The following SETD5 variants were observed in gnomAD, a reference collection of about 807,000 sequenced individuals.
The protein encoded by SETD5 is SET domain containing 5.
In SETD5, 44 loss-of-function variants were observed where a neutral mutation model predicts 153.3. That is an observed-to-expected ratio of 0.29 (90% confidence interval 0.23 to 0.37). The LOEUF (loss-of-function observed/expected upper bound fraction) is 0.37. SETD5 is among the 10% of genes least tolerant of loss of function. The pLI, the probability that SETD5 is intolerant of heterozygous loss-of-function variation, is 1.00. For synonymous variants in SETD5, 716 were observed against 645.2 expected, an observed-to-expected ratio of 1.11 and a Z score of -1.66; for missense variants, 1,544 against 1,768.0, an observed-to-expected ratio of 0.87 and a Z score of 2.27.
intron 19 of SETD5, 122 bp from the exon 20 acceptor site, chr3:9,473,114 T>A: frequency 1.6e-6 from 2 of 1,215,386 alleles, no homozygotes; most frequent in Admixed American, 2.8e-5. Flanking sequence ...TCTGCTTTGT[T>A]TGCGTGGCTT....
In SETD5 at chr3:9,473,375, C is replaced by T. The variant is rs754763230; in HGVS notation, c.3335C>T (p.Ala1112Val). The T allele has an allele frequency of 1.2e-6, 2 of 1,613,944 alleles. No individual in the cohort carries two copies. Among genetic ancestry groups the T allele is most frequent in the South Asian group, 2.2e-5 (2 of 91,072 alleles). Residue 1112 changes from alanine (A) to valine (V), a missense_variant, in exon 20 of 23, where the codon GCC (alanine) becomes GTC (valine). Coordinates refer to ENST00000402198, the MANE Select transcript of SETD5 (RefSeq NM_001080517.3). The stretch of plus-strand genomic sequence containing the variant: ...AGTAACTCCGTTTCCGACACTGGTG[C>T]CCATGGTGTGCAGGGATCCTCAGCC... ...GSSNSVSDTG[A>V]HGVQGSSART...
rs2040334201 is a variant in SETD5 at position 9,434,491 on chromosome 3, A to T, written c.329+6A>T. 1.2e-6 allele frequency: 2 copies of T among 1,613,864 alleles called. No homozygotes were observed. The highest frequency in any genetic ancestry group is 1.7e-6 in the Non-Finnish European group (2 of 1,179,836). On this transcript the variant is annotated splice_donor_region_variant and intron_variant, in intron 5 of 22. Coordinates refer to ENST00000402198, the MANE Select transcript of SETD5 (RefSeq NM_001080517.3). This position sits in a 1 kb window ranked among gnomAD's most constrained non-coding sequence, Gnocchi z 5.6. ...CTCAACTGTGACAAGTGCAGGTAAG[A>T]TCCTGTTCCATCTAAATTTAAGTCT... is the stretch of plus-strand genomic sequence containing the variant.
intron 1 of SETD5, among the ~76,000 whole-genome samples, chr3:9,415,072 A>G (rs2037213242): frequency 6.6e-6 from 1 of 151,560 alleles, no homozygotes; most frequent in Admixed American, 6.6e-5. Flanking sequence ...AAACTAACAG[A>G]TGATTAAAAG....
intron 1 of SETD5, among the ~76,000 whole-genome samples, chr3:9,417,946 T>TTG (rs1553609763): frequency 5.4e-5 from 8 of 148,886 alleles, no homozygotes; most frequent in Non-Finnish European, 7.5e-5. Flanking sequence ...AGTTTTGTTT[T>TTG]TTTTTTTTTT....
intron 1 of SETD5, among the ~76,000 whole-genome samples, chr3:9,407,956 C>G (rs567967077): frequency 6.6e-6 from 1 of 151,660 alleles, no homozygotes; most frequent in African/African-American, 2.4e-5. Flanking sequence ...GCTGAGATTG[C>G]GCCATTGTAT....
At chr3:9,468,582 A>AT (rs1330374299) in intron 18 of SETD5, 1 of 1,304,172 alleles carries the variant, frequency 7.7e-7, no homozygotes, top group South Asian at 1.2e-5. Flanking sequence ...CGAGGTAGTT[A>AT]TCACACCATC....
chr3:9,473,545 T>A lies in SETD5; in HGVS notation c.3497+8T>A. 1 of 1,602,972 alleles carries A rather than the reference T, an allele frequency of 6.2e-7. No individual in the cohort carries two copies. The highest frequency in any genetic ancestry group is 8.5e-7 in the Non-Finnish European group (1 of 1,173,686). On this transcript the variant is annotated splice_region_variant and intron_variant, in intron 20 of 22. Coordinates refer to ENST00000402198, the MANE Select transcript of SETD5 (RefSeq NM_001080517.3). ...GAATATCAGCAGTAGGTGGTAAGTT[T>A]ATATTTGATGTTTTATAGTTAAATT... is the stretch of plus-strand genomic sequence containing the variant.
chr3:9,433,550 C>A, intron 3 of SETD5: 1 of 1,294,758 alleles, frequency 7.7e-7, no homozygotes. Flanking sequence ...AGGGGAAACT[C>A]CCCGCTCAGC....
At position 9,434,158 on chromosome 3, in the gene SETD5, C is replaced by G. The variant is rs2125094172; in HGVS notation, c.178-176C>G. 1.9e-6 allele frequency: 3 copies of G among 1,548,414 alleles called. No individual in the cohort carries two copies. Among genetic ancestry groups the G allele is most frequent in the Middle Eastern group, 1.7e-4 (1 of 5,988 alleles). On this transcript the variant is annotated intron_variant, in intron 4 of 22. Transcript: ENST00000402198. This position sits in a 1 kb window ranked among gnomAD's most constrained non-coding sequence, Gnocchi z 5.6. Reference sequence around the variant, plus strand: ...CTTGGCATTTTGTTTTATCACTTTCCTGGTTGAAGCCAAAAAACAAAGGGT... The same window carrying G: ...CTTGGCATTTTGTTTTATCACTTTCGTGGTTGAAGCCAAAAAACAAAGGGT...
chr3:9,420,171 T>G (rs1246537162), intron 1 of SETD5, among the ~76,000 whole-genome samples: 1 of 152,190 alleles, frequency 6.6e-6, no homozygotes, highest in Non-Finnish European at 1.5e-5. Context: ...CTTTTTATCA[T>G]TGTTAAATGG....
At chr3:9,442,294 A>G in intron 10 of SETD5, 49 bp downstream of exon 10, 1 of 1,280,876 alleles carries the variant, frequency 7.8e-7, no homozygotes, top group Admixed American at 1.9e-5. Context: ...TCAAATGACA[A>G]GCTTACTGAA....
At chr3:9,455,033 TTTAATTAGA>T (rs2043059134) in intron 17 of SETD5, among the ~76,000 whole-genome samples, 1 of 152,156 alleles carries the variant, frequency 6.6e-6, no homozygotes, top group Non-Finnish European at 1.5e-5. Context: ...TGAACTTGAA[TTTAATTAGA>T]TAAATTTTTA....
intron 19 of SETD5, among the ~76,000 whole-genome samples, chr3:9,472,946 G>GT (rs1353758593): frequency 2.0e-5 from 3 of 152,130 alleles, no homozygotes; most frequent in Non-Finnish European, 4.4e-5. Context: ...AAGTTTTTCT[G>GT]AAGGCAGAAA....
At chr3:9,453,503 T>C (rs908046127) in intron 16 of SETD5, among the ~76,000 whole-genome samples, 4 of 152,236 alleles carry the variant, frequency 2.6e-5, no homozygotes, top group Non-Finnish European at 5.9e-5. Flanking sequence ...TTATTGGTTT[T>C]TGTCTTTTGA....
rs776092602 is a variant in SETD5, at chr3:9,417,508, C to G, written c.-176-6959C>G. On this transcript the variant is annotated intron_variant, in intron 1 of 22. Transcript: ENST00000402198. ...CTTTTTTTTTTTTTTCCCCCCGAGACGGAGTCTCGCTCTATCGCCCAGGCT... is the reference window on the plus strand; with the variant it reads ...CTTTTTTTTTTTTTTCCCCCCGAGAGGGAGTCTCGCTCTATCGCCCAGGCT... Among the ~76,000 whole-genome samples the G allele has an allele frequency of 2.0e-5, 3 of 150,390 alleles. No individual in the cohort carries two copies. The East Asian group carries it at 5.9e-4, about 29-fold the overall frequency.
At chr3:9,433,610 C>T (rs775591730) in intron 3 of SETD5, 7 of 1,143,860 alleles carry the variant, frequency 6.1e-6, no homozygotes, top group African/African-American at 1.6e-5. Context: ...CAGGTGCCTG[C>T]CTTCAGACAT....
chr3:9,445,738 A>C lies in SETD5; in HGVS notation c.1522A>C (p.Arg508=), dbSNP rs775874768. The part of the protein sequence containing the change: ...DDQENLAHSR[R]TREDRKVEAI... ...CCAGGAGAACCTAGCTCATAGCAGG[A>C]GGGTGAGTACTGTCTGACATTACTT... Residue 508 remains arginine, a splice_region_variant and synonymous_variant, in exon 13 of 23, where the codon AGG becomes CGG. Coordinates refer to ENST00000402198, the MANE Select transcript of SETD5 (RefSeq NM_001080517.3). 7 of 1,610,956 alleles carry C rather than the reference A, an allele frequency of 4.3e-6. No homozygotes were observed. The highest frequency in any genetic ancestry group is 5.9e-6 in the Non-Finnish European group (7 of 1,178,346).
Position 9,476,024 on chromosome 3 carries a change from G to A in SETD5, c.4262G>A (p.Gly1421Asp). 4 of 1,613,976 alleles carry A rather than the reference G, an allele frequency of 2.5e-6. No homozygotes were observed. Among genetic ancestry groups the A allele is most frequent in the Non-Finnish European group, 3.4e-6 (4 of 1,179,882 alleles). Residue 1421 changes from glycine to aspartate, a missense_variant, in exon 23 of 23, where the codon GGT (glycine) becomes GAT (aspartate). By Grantham distance (94) the Gly-to-Asp change is moderately conservative (BLOSUM62 -1). Around this residue, in one of 9 missense-constraint regions of SETD5, gnomAD observed 302 missense variants for 277.6 expected, o/e 1.09. Transcript: ENST00000402198. ...CACTACCCACACCGTGGGAGTGGGG[G>A]TGTGCACCAGTACCGACTCCAGCCA... is the stretch of plus-strand genomic sequence containing the variant. The part of the protein sequence containing the change: ...SQHYPHRGSG[G>D]VHQYRLQPLQ...
At chr3:9,466,287 C>CAAAAAAAAAAAA (rs146498301) in intron 18 of SETD5, among the ~76,000 whole-genome samples, 7 of 63,264 alleles carry the variant, frequency 1.1e-4, no homozygotes, top group East Asian at 6.6e-4. Context: ...GACTCCGTCT[C>CAAAAAAAAAAAA]AAAAAAAAAA....
Sources: allele counts gnomAD v4.1 joint callset (sites outside exome capture counted in the v4.1 genomes callset), GRCh38; gene constraint gnomAD v4.1.1; regional missense constraint gnomAD v4.1.1; non-coding constraint Gnocchi (gnomAD v3.1); transcripts MANE v1.5; gene names NCBI Gene and HGNC (gene_info 2026-07-23, HGNC 2026-07-21).